Variants in CSMD1 observed in about 807,000 individuals in gnomAD.
The protein encoded by CSMD1 is CUB and Sushi multiple domains 1.
CSMD1 carries 213 observed loss-of-function variants against 417.5 expected under a neutral mutation model. That is an observed-to-expected ratio of 0.51 (90% CI 0.46 to 0.57). The LOEUF (loss-of-function observed/expected upper bound fraction) is 0.57, where lower values mean the gene tolerates loss of function less well. CSMD1 is among the 20% of genes least tolerant of loss of function. The pLI is 0.00. For missense variants in CSMD1, 6,923 were observed against 4,529.7 expected (o/e 1.53, Z -15.17); for synonymous variants, 2,862 against 1,736.8 (o/e 1.65, Z -16.11).
intron 7 of CSMD1, among the ~76,000 whole-genome samples, chr8:3,632,830 C>T (rs892044123): frequency 1.1e-4 from 16 of 152,152 alleles, no homozygotes; most frequent in African/African-American, 3.6e-4. Flanking sequence ...TCTATTGGTT[C>T]CCCTTCAGAG....
intron 3 of CSMD1, among the ~76,000 whole-genome samples, chr8:4,103,481 T>C (rs1178576130): frequency 6.6e-6 from 1 of 150,532 alleles, no homozygotes; most frequent in South Asian, 2.1e-4. Context: ...AAAAGGGTTT[T>C]ACATATATAT....
At chr8:3,572,340 G>C (rs1007405175) in intron 10 of CSMD1, among the ~76,000 whole-genome samples, 4 of 152,134 alleles carry the variant, frequency 2.6e-5, no homozygotes, top group African/African-American at 9.7e-5. Flanking sequence ...CTGAGGCTCT[G>C]CCACTGTGAA....
chr8:3,926,014 T>TACACACACACAC (rs10635075), intron 5 of CSMD1, among the ~76,000 whole-genome samples: 4 of 123,390 alleles, frequency 3.2e-5, no homozygotes, highest in Admixed American at 8.6e-5. Context: ...TATTTGTCTA[T>TACACACACACAC]ACACACACAC....
chr8:3,038,055 A>T (rs1810815097), intron 50 of CSMD1, among the ~76,000 whole-genome samples: 1 of 152,130 alleles, frequency 6.6e-6, no homozygotes, highest in Admixed American at 6.5e-5. Flanking sequence ...TACTATGGTT[A>T]TTTTAAAATA....
At position 4,164,799 on chromosome 8, in the gene CSMD1, T is replaced by C. The variant is rs377480329; in HGVS notation, c.416-132700A>G. Among the ~76,000 whole-genome samples, 89 of 151,570 alleles carry C rather than the reference T, an allele frequency of 5.9e-4. 1 individual carries two copies. Among genetic ancestry groups the C allele is most frequent in the African/African-American group, 1.9e-3 (80 of 41,354 alleles). On this transcript the variant is annotated intron_variant, in intron 3 of 69. Coordinates refer to ENST00000635120, the MANE Select transcript of CSMD1 (RefSeq NM_033225.6). The stretch of plus-strand genomic sequence containing the variant: ...GCGGAGGCAGGAGAATGGCGTGAAA[T>C]CCAGAGGTGGAGCTTGCAGTGAGCT...
intron 50 of CSMD1, among the ~76,000 whole-genome samples, chr8:3,039,437 C>T (rs968526713): frequency 5.4e-5 from 8 of 147,326 alleles, no homozygotes; most frequent in Non-Finnish European, 3.0e-5. Context: ...TCCTTCCTCC[C>T]TCCTTTCTTC....
chr8:3,331,456 G>T (rs1451359787), intron 23 of CSMD1, among the ~76,000 whole-genome samples: 2 of 152,170 alleles, frequency 1.3e-5, no homozygotes, highest in Non-Finnish European at 2.9e-5. Flanking sequence ...TCAGTGGGAA[G>T]CTCTTGAGCT....
intron 3 of CSMD1, among the ~76,000 whole-genome samples, chr8:4,154,503 T>C (rs1796727931): frequency 6.6e-6 from 1 of 152,296 alleles, no homozygotes; most frequent in South Asian, 2.1e-4. Flanking sequence ...CAAAACTGTG[T>C]GCAGACAAGA....
chr8:3,487,186 A>G (rs1007472875), intron 11 of CSMD1, among the ~76,000 whole-genome samples: 6 of 129,586 alleles, frequency 4.6e-5, no homozygotes, highest in Non-Finnish European at 8.0e-5. Flanking sequence ...TGATTGATGT[A>G]TTATCAGCAT....
intron 5 of CSMD1, among the ~76,000 whole-genome samples, chr8:3,984,706 TATATA>T (rs1563284784): frequency 1.6e-3 from 76 of 47,258 alleles, no homozygotes; most frequent in South Asian, 5.6e-3. Flanking sequence ...GTATATATCA[TATATA>T]TATATATATA....
At chr8:3,453,541 C>G (rs1815894478) in intron 12 of CSMD1, among the ~76,000 whole-genome samples, 1 of 152,136 alleles carries the variant, frequency 6.6e-6, no homozygotes, top group Non-Finnish European at 1.5e-5. Context: ...CAAAGAACAT[C>G]TTTATTTCTA....
chr8:4,499,969 A>AT (rs1352723205), intron 2 of CSMD1, among the ~76,000 whole-genome samples: 1 of 152,188 alleles, frequency 6.6e-6, no homozygotes, highest in African/African-American at 2.4e-5. Flanking sequence ...AAAAAAGCAG[A>AT]TATCTATGAA....
At chr8:4,192,423 A>G (rs1799083070) in intron 3 of CSMD1, among the ~76,000 whole-genome samples, 1 of 152,080 alleles carries the variant, frequency 6.6e-6, no homozygotes, top group African/African-American at 2.4e-5. Flanking sequence ...AGAGGCCACC[A>G]TCAGAATTAT....
chr8:3,399,454 G>C lies in CSMD1; in HGVS notation c.2342C>G (p.Ser781Cys), dbSNP rs766601526. Residue 781 changes from serine to cysteine, a missense_variant, in exon 16 of 70, where the codon TCT becomes TGT. Coordinates refer to ENST00000635120, the MANE Select transcript of CSMD1 (RefSeq NM_033225.6). ...PPGWPGYYKD[S>C]LHCEWIIEAK... is the part of the protein sequence containing the mutation. ...TTCAATTATCCATTCACAATGTAAA[G>C]AATCCTTATAATATCCTGGCCATCC... The C allele has an allele frequency of 6.2e-7, 1 of 1,610,432 alleles. No individual in the cohort carries two copies. Among genetic ancestry groups the C allele is most frequent in the Non-Finnish European group, 8.5e-7 (1 of 1,178,324 alleles).
At chr8:4,206,638 T>G (rs892693425) in intron 3 of CSMD1, among the ~76,000 whole-genome samples, 2 of 152,202 alleles carry the variant, frequency 1.3e-5, no homozygotes, top group Non-Finnish European at 2.9e-5. Context: ...AGTGATGCAA[T>G]AAACGTATGT....
intron 12 of CSMD1, among the ~76,000 whole-genome samples, chr8:3,430,419 AC>A (rs1448683641): frequency 6.6e-6 from 1 of 152,160 alleles, no homozygotes; most frequent in Non-Finnish European, 1.5e-5. Flanking sequence ...TTAATGCTGA[AC>A]AAATTGTCTG....
chr8:3,394,544 T>C (rs1437746480), intron 17 of CSMD1, among the ~76,000 whole-genome samples: 2 of 152,074 alleles, frequency 1.3e-5, no homozygotes, highest in African/African-American at 2.4e-5. Flanking sequence ...AGTGTTCTAA[T>C]ATTTGTCAAT....
chr8:4,517,629 C>G (rs1311894661), intron 2 of CSMD1, among the ~76,000 whole-genome samples: 2 of 152,096 alleles, frequency 1.3e-5, no homozygotes, highest in Non-Finnish European at 2.9e-5. Flanking sequence ...CTTTAAACAC[C>G]TAAGAGCCAC....
At chr8:4,618,283 G>T (rs1316232199) in intron 2 of CSMD1, among the ~76,000 whole-genome samples, 1 of 114,666 alleles carries the variant, frequency 8.7e-6, no homozygotes, top group Non-Finnish European at 1.8e-5. Flanking sequence ...TTGTAATATT[G>T]CTAAGCTCAG....
Sources: gnomAD v4.1 joint callset for allele counts (sites outside exome capture counted in the v4.1 genomes callset) on GRCh38, gnomAD v4.1.1 for gene constraint, MANE v1.5 for transcripts, NCBI Gene and HGNC (gene_info 2026-07-23, HGNC 2026-07-21) for gene names.